BBIP1: variants seen among roughly 807,000 people sequenced by gnomAD.
BBIP1 encodes BBSome interacting protein 1.
BBIP1 carries 6 observed loss-of-function variants against 8.9 expected under a neutral mutation model. The observed-to-expected ratio is 0.67, with a 90% CI of 0.37 to 1.33. BBIP1 has a LOEUF of 1.33. Ranked by LOEUF, BBIP1 falls within the 40% of genes most tolerant of loss-of-function variation. The pLI is 0.02. For synonymous variants in BBIP1, 32 were observed against 33.4 expected (o/e 0.96, Z 0.14); for missense variants, 111 against 109.2 (o/e 1.02, Z -0.07).
At chr10:110,903,852 A>G (rs957413262) in intron 2 of BBIP1, 2 of 152,266 alleles carry the variant, frequency 1.3e-5, no homozygotes, top group African/African-American at 2.4e-5. Context: ...AGACAACTGT[A>G]ACACAATGGT....
intron 2 of BBIP1, chr10:110,904,878 A>C (rs557466008): frequency 6.6e-6 from 1 of 152,384 alleles, no homozygotes; most frequent in African/African-American, 2.4e-5. Context: ...AGAAAACATT[A>C]AATTACAGAA....
At chr10:110,915,748 G>C (rs1846387738) in intron 2 of BBIP1, among the ~76,000 whole-genome samples, 1 of 151,900 alleles carries the variant, frequency 6.6e-6, no homozygotes, top group African/African-American at 2.4e-5. Flanking sequence ...CTGTTGCCCA[G>C]TCTGGAGTGC....
At chr10:110,901,503 A>G in intron 3 of BBIP1, 35 bp downstream of exon 3, 1 of 1,453,138 alleles carries the variant, frequency 6.9e-7, no homozygotes, top group Non-Finnish European at 9.3e-7. Flanking sequence ...TAGTCCTGTA[A>G]TAATCAATGA....
intron 2 of BBIP1, chr10:110,911,887 G>A (rs1472992154): frequency 3.3e-5 from 5 of 152,110 alleles, no homozygotes; most frequent in Non-Finnish European, 7.4e-5. Flanking sequence ...AGAGATAATC[G>A]TAGACTATGG....
intron 1 of BBIP1, 101 bp downstream of exon 1, chr10:110,919,020 A>G (rs1281762372): frequency 6.6e-6 from 1 of 152,292 alleles, no homozygotes; most frequent in Non-Finnish European, 1.5e-5. Flanking sequence ...ACGTCTCAGT[A>G]AAATAAGGGC....
chr10:110,912,883 AGCTTAT>A (rs1846312767), intron 2 of BBIP1, among the ~76,000 whole-genome samples: 2 of 152,260 alleles, frequency 1.3e-5, no homozygotes, highest in South Asian at 4.2e-4. Context: ...TAAACTTATC[AGCTTAT>A]GCTAATTGTA....
intron 2 of BBIP1, chr10:110,911,761 C>G (rs1456550799): frequency 1.3e-5 from 2 of 152,062 alleles, no homozygotes; most frequent in Non-Finnish European, 2.9e-5. Flanking sequence ...CTGCCTTACT[C>G]AAAGGCAAGG....
intron 2 of BBIP1, among the ~76,000 whole-genome samples, chr10:110,913,940 T>G (rs1314201268): frequency 6.6e-6 from 1 of 152,166 alleles, no homozygotes; most frequent in Non-Finnish European, 1.5e-5. Context: ...AAATCCAAAT[T>G]TTAGCTCCAC....
intron 2 of BBIP1, chr10:110,902,640 CTG>C (rs1846032627): frequency 6.6e-6 from 1 of 152,210 alleles, no homozygotes; most frequent in African/African-American, 2.4e-5. Context: ...GCTTCCTACT[CTG>C]TATTCAAGTC....
rs532537004 is a variant in BBIP1 at position 110,898,821 on chromosome 10, C to T, written c.*1539G>A. ...GTAAATTTTGAATCTCATAAGGAAG[C>T]ATATTTGAACCTAGTCAATTTAATC... On this transcript the variant is annotated 3_prime_UTR_variant, in exon 4 of 4. Coordinates refer to ENST00000448814, the MANE Select transcript of BBIP1 (RefSeq NM_001195305.3). 6.6e-6 allele frequency: 1 copy of T among 152,540 alleles called. No homozygotes were observed. Among genetic ancestry groups the T allele is most frequent in the African/African-American group, 2.4e-5 (1 of 41,408 alleles). 9.4% of individuals were successfully genotyped at this position (152,540 alleles called of 1,614,324 possible).
intron 2 of BBIP1, 71 bp from the exon 3 acceptor site, chr10:110,901,683 G>C: frequency 8.3e-7 from 1 of 1,206,858 alleles, no homozygotes; most frequent in Non-Finnish European, 1.2e-6. Context: ...TTCCATTGTA[G>C]TTTAAGAAGT....
chr10:110,910,406 T>G (rs1258216341), intron 2 of BBIP1, among the ~76,000 whole-genome samples: 1 of 152,166 alleles, frequency 6.6e-6, no homozygotes, highest in Non-Finnish European at 1.5e-5. Context: ...TCATATCCTA[T>G]AGTCAGGAGG....
chr10:110,900,848 AT>A (rs1463859957), intron 3 of BBIP1: 4 of 251,944 alleles, frequency 1.6e-5, no homozygotes, highest in South Asian at 6.0e-5. Context: ...GTGCAAAAAA[AT>A]ATAGCAAAAT....
chr10:110,917,803 T>G (rs902437077), intron 2 of BBIP1, among the ~76,000 whole-genome samples: 3 of 142,994 alleles, frequency 2.1e-5, no homozygotes, highest in African/African-American at 7.9e-5. Context: ...GCAGACATGG[T>G]AGTGAAGCTA....
intron 2 of BBIP1, among the ~76,000 whole-genome samples, chr10:110,913,482 C>A (rs760758193): frequency 2.0e-5 from 3 of 152,182 alleles, no homozygotes; most frequent in Non-Finnish European, 4.4e-5. Context: ...CACTTACTTA[C>A]TTTTGAAGCA....
At chr10:110,909,556 C>G (rs1267967986) in intron 2 of BBIP1, among the ~76,000 whole-genome samples, 4 of 152,314 alleles carry the variant, frequency 2.6e-5, no homozygotes, top group Non-Finnish European at 4.4e-5. Flanking sequence ...AGGAGACCTA[C>G]AAGTGAAAGT....
intron 2 of BBIP1, chr10:110,906,947 C>G (rs1846158635): frequency 1.3e-5 from 2 of 152,206 alleles, no homozygotes; most frequent in Admixed American, 1.3e-4. Context: ...TGCTAACAAT[C>G]ACGTAGTGAC....
At chr10:110,905,435 G>A (rs1271964358) in intron 2 of BBIP1, among the ~76,000 whole-genome samples, 1 of 152,070 alleles carries the variant, frequency 6.6e-6, no homozygotes, top group Non-Finnish European at 1.5e-5. Context: ...AGTGGTGGGC[G>A]CCTGTAGTCC....
In BBIP1 at chr10:110,899,905, T is replaced by C. The variant is rs1212911329; in HGVS notation, c.*455A>G. 6.5e-6 allele frequency: 1 copy of C among 153,278 alleles called. No homozygotes were observed. The highest frequency in any genetic ancestry group is 1.5e-5 in the Non-Finnish European group (1 of 68,886). 9.5% of individuals were successfully genotyped at this position (153,278 alleles called of 1,614,324 possible). On this transcript the variant is annotated 3_prime_UTR_variant, in exon 4 of 4. Transcript: ENST00000448814. ...GGCACATAAAATTGGTTAAAAAATT[T>C]TGTTTTTTAATTACGTAATGTAAAA... is the stretch of plus-strand genomic sequence containing the variant.
Sources: gnomAD v4.1 joint callset for allele counts (sites outside exome capture counted in the v4.1 genomes callset) on GRCh38, gnomAD v4.1.1 for gene constraint, MANE v1.5 for transcripts, NCBI Gene and HGNC (gene_info 2026-07-23, HGNC 2026-07-21) for gene names.